Variants in GALNTL6 observed in about 807,000 individuals in gnomAD.
GALNTL6 encodes polypeptide N-acetylgalactosaminyltransferase-like 6.
GALNTL6 carries 46 observed loss-of-function variants against 73.7 expected under a neutral mutation model. The ratio of observed to expected loss-of-function variants is 0.62; its 90% confidence interval spans 0.49 to 0.80. The LOEUF (loss-of-function observed/expected upper bound fraction) is 0.80, where lower values mean the gene tolerates loss of function less well. Ranked by LOEUF, GALNTL6 falls within the 30% of genes least tolerant of loss-of-function variation. GALNTL6 has a pLI of 0.00. For synonymous variants in GALNTL6, 259 were observed against 263.7 expected (o/e 0.98, Z 0.17); for missense variants, 604 against 755.0 (o/e 0.80, Z 2.34).
At chr4:172,314,916 G>A (rs1479062036) in intron 4 of GALNTL6, among the ~76,000 whole-genome samples, 3 of 151,964 alleles carry the variant, frequency 2.0e-5, no homozygotes, top group East Asian at 3.9e-4. Flanking sequence ...GGCCTGCATA[G>A]GGATTTTTTA....
In GALNTL6 at chr4:172,552,313, T is replaced by C. The variant is rs74348323; in HGVS notation, c.553+203624T>C. On this transcript the variant is annotated intron_variant, in intron 5 of 12. Transcript: ENST00000506823. ...GAATCTCGTTTTGCATCTAAAATTA[T>C]GTTCTTCAAAGTTTTGGTAGCTAAA... 7.3e-3 allele frequency among the ~76,000 whole-genome samples: 1,108 copies of C among 152,290 alleles called. 16 individuals are homozygous for C. Among genetic ancestry groups the C allele is most frequent in the African/African-American group, 0.025 (1,037 of 41,572 alleles).
intron 5 of GALNTL6, among the ~76,000 whole-genome samples, chr4:172,673,223 T>C (rs535647196): frequency 6.6e-6 from 1 of 152,238 alleles, no homozygotes; most frequent in Non-Finnish European, 1.5e-5. Flanking sequence ...GCATCTTAGT[T>C]CTCATTTGTT....
Position 172,014,303 on chromosome 4 carries a change from C to T in GALNTL6, c.138+199585C>T, listed in dbSNP as rs1741117443. ...TTTTTTGAGGAACCTCCATTCTGTT[C>T]TCTGTGGTGGTTGTACTAATTTTCA... On this transcript the variant is annotated intron_variant, in intron 2 of 12. Coordinates refer to ENST00000506823, the MANE Select transcript of GALNTL6 (RefSeq NM_001034845.3). 3.9e-5 allele frequency among the ~76,000 whole-genome samples: 6 copies of T among 152,004 alleles called. No homozygotes were observed. The South Asian group carries it at 8.3e-4, about 21-fold the overall frequency.
At chr4:172,957,211 G>A (rs1180132681) in intron 10 of GALNTL6, among the ~76,000 whole-genome samples, 8 of 152,124 alleles carry the variant, frequency 5.3e-5, no homozygotes, top group South Asian at 2.1e-4. Context: ...GTAGAATAGC[G>A]GATGGAACAC....
chr4:172,807,765 A>G (rs1741050085), intron 5 of GALNTL6, among the ~76,000 whole-genome samples: 1 of 152,172 alleles, frequency 6.6e-6, no homozygotes, highest in African/African-American at 2.4e-5. Context: ...ATAGAGGGGA[A>G]CATATTTTGA....
intron 2 of GALNTL6, among the ~76,000 whole-genome samples, chr4:171,973,610 T>C (rs1739633779): frequency 6.6e-6 from 1 of 152,164 alleles, no homozygotes; most frequent in Admixed American, 6.5e-5. Flanking sequence ...AACCTGACTG[T>C]ATCTGCAATG....
intron 2 of GALNTL6, among the ~76,000 whole-genome samples, chr4:172,079,900 T>C (rs1010964435): frequency 5.3e-5 from 8 of 152,122 alleles, no homozygotes; most frequent in Non-Finnish European, 1.2e-4. Flanking sequence ...CTAGTTTTCT[T>C]ATGGAAACAA....
At chr4:172,236,741 T>G (rs1560983724) in intron 3 of GALNTL6, among the ~76,000 whole-genome samples, 1 of 127,408 alleles carries the variant, frequency 7.8e-6, no homozygotes, top group Non-Finnish European at 1.6e-5. Context: ...TACTTTTAAT[T>G]TTAGGTATAC....
intron 2 of GALNTL6, among the ~76,000 whole-genome samples, chr4:171,819,076 T>G (rs2110799244): frequency 6.6e-6 from 1 of 152,072 alleles, no homozygotes; most frequent in African/African-American, 2.4e-5. Context: ...ACCTTAGAAT[T>G]TGGAAGAGCT....
At chr4:172,577,825 G>A (rs1737017000) in intron 5 of GALNTL6, among the ~76,000 whole-genome samples, 1 of 152,162 alleles carries the variant, frequency 6.6e-6, no homozygotes. Flanking sequence ...GTCAGAAAAT[G>A]TCACAGTCAA....
At chr4:172,489,115 G>A (rs1733807314) in intron 5 of GALNTL6, among the ~76,000 whole-genome samples, 1 of 152,064 alleles carries the variant, frequency 6.6e-6, no homozygotes, top group African/African-American at 2.4e-5. Context: ...CTTACTCTCT[G>A]GGACACTCTC....
intron 4 of GALNTL6, among the ~76,000 whole-genome samples, chr4:172,345,069 C>T (rs1741692359): frequency 1.3e-5 from 2 of 150,868 alleles, no homozygotes; most frequent in Admixed American, 1.3e-4. Flanking sequence ...AATTAATTCT[C>T]CTTAGCACAT....
At chr4:171,958,398 G>T (rs756610323) in intron 2 of GALNTL6, among the ~76,000 whole-genome samples, 1 of 152,034 alleles carries the variant, frequency 6.6e-6, no homozygotes, top group African/African-American at 2.4e-5. Flanking sequence ...CAGGGTGGAC[G>T]GAATATGCAT....
At chr4:172,361,734 G>T (rs558723460) in intron 5 of GALNTL6, among the ~76,000 whole-genome samples, 1 of 152,136 alleles carries the variant, frequency 6.6e-6, no homozygotes, top group Admixed American at 6.6e-5. Flanking sequence ...CTGGATGATG[G>T]TTCCAATCAA....
intron 2 of GALNTL6, among the ~76,000 whole-genome samples, chr4:172,034,515 T>C (rs753177029): frequency 2.0e-5 from 3 of 151,792 alleles, no homozygotes; most frequent in Non-Finnish European, 4.4e-5. Flanking sequence ...GCATATATAC[T>C]GTGGTTATGT....
At chr4:172,176,627 A>C (rs1053605741) in intron 2 of GALNTL6, among the ~76,000 whole-genome samples, 8 of 151,938 alleles carry the variant, frequency 5.3e-5, no homozygotes, top group Non-Finnish European at 1.0e-4. Flanking sequence ...CTGCCTCAAC[A>C]AAAAATTAAA....
intron 10 of GALNTL6, among the ~76,000 whole-genome samples, chr4:172,976,337 T>C (rs953040457): frequency 3.3e-5 from 5 of 152,188 alleles, no homozygotes; most frequent in African/African-American, 1.2e-4. Context: ...GCTCATAAAA[T>C]AGATTTTTAA....
At chr4:172,594,545 A>T (rs141591198) in intron 5 of GALNTL6, among the ~76,000 whole-genome samples, 2 of 152,276 alleles carry the variant, frequency 1.3e-5, no homozygotes, top group East Asian at 3.9e-4. Context: ...TTTTCAATGC[A>T]AATGTTAAAT....
chr4:172,970,958 G>A (rs1447581434), intron 10 of GALNTL6, among the ~76,000 whole-genome samples: 1 of 152,176 alleles, frequency 6.6e-6, no homozygotes, highest in Non-Finnish European at 1.5e-5. Context: ...TAAAGACGGG[G>A]TAAGAAATTA....
Sources: allele counts gnomAD v4.1 joint callset (sites outside exome capture counted in the v4.1 genomes callset), GRCh38; gene constraint gnomAD v4.1.1; transcripts MANE v1.5; gene names NCBI Gene and HGNC (gene_info 2026-07-23, HGNC 2026-07-21).